MAGI1: variants seen among roughly 807,000 people sequenced by gnomAD.
MAGI1 encodes the protein membrane associated guanylate kinase, WW and PDZ domain containing 1, also known as membrane-associated guanylate kinase, WW and PDZ domain-containing protein 1.
Under a neutral mutation model 139.9 loss-of-function variants are expected in MAGI1, and 58 were observed. That is an observed-to-expected ratio of 0.41 (90% CI 0.34 to 0.52). The LOEUF (loss-of-function observed/expected upper bound fraction) is 0.52, where lower values mean the gene tolerates loss of function less well. Ranked by LOEUF, MAGI1 falls within the 20% of genes least tolerant of loss-of-function variation. The pLI is 0.12. For missense variants in MAGI1, 1,874 were observed against 1,901.6 expected (o/e 0.99, Z 0.27); for synonymous variants, 812 against 737.9 (o/e 1.10, Z -1.63).
intron 1 of MAGI1, among the ~76,000 whole-genome samples, chr3:65,643,595 T>C (rs2085101189): frequency 6.6e-6 from 1 of 152,048 alleles, no homozygotes; most frequent in South Asian, 2.1e-4. Flanking sequence ...TCTTTATGTC[T>C]CATATATCCC....
At chr3:65,998,682 G>A (rs2066584193) in intron 1 of MAGI1, among the ~76,000 whole-genome samples, 1 of 152,008 alleles carries the variant, frequency 6.6e-6, no homozygotes, top group Non-Finnish European at 1.5e-5. Context: ...ACCATTTGAT[G>A]GTTTTTTTGG....
intron 2 of MAGI1, among the ~76,000 whole-genome samples, chr3:65,604,364 T>C (rs1275181845): frequency 6.6e-6 from 1 of 152,106 alleles, no homozygotes; most frequent in African/African-American, 2.4e-5. Context: ...TAATATATAA[T>C]GATTATTTAA....
intron 13 of MAGI1, 64 bp downstream of exon 13, chr3:65,401,375 C>CCCCCCCCCCCCCCCCCCCAA: frequency 9.9e-7 from 1 of 1,008,142 alleles, no homozygotes; most frequent in Non-Finnish European, 1.5e-6. Context: ...AGTACCCTCC[C>CCCCCCCCCCCCCCCCCCCAA]ACCTCCAGCC....
At chr3:65,373,185 C>T (rs1942169958) in intron 18 of MAGI1, among the ~76,000 whole-genome samples, 1 of 152,144 alleles carries the variant, frequency 6.6e-6, no homozygotes, top group African/African-American at 2.4e-5. Context: ...GTGACTCTTC[C>T]TTTCATATGA....
chr3:65,414,211 C>A (rs543898623), intron 12 of MAGI1, among the ~76,000 whole-genome samples: 2 of 152,320 alleles, frequency 1.3e-5, no homozygotes, highest in South Asian at 2.1e-4. Context: ...TTTTTACATA[C>A]AAGAAACCAG....
In MAGI1 at chr3:65,609,699, C is replaced by G. The variant is rs1338963287; in HGVS notation, c.430+12273G>C. The G allele has an allele frequency of 2.3e-5, 5 of 213,100 alleles. No individual in the cohort carries two copies. In the South Asian group the frequency reaches 2.7e-4, roughly 12 times the overall value. The allele number at this position is 213,100 out of a possible 1,614,324, so 13.2% of individuals were successfully genotyped here. The stretch of plus-strand genomic sequence containing the variant: ...TCCTAGACTCAGGTGATCCTCCCAC[C>G]TCAGCCTATTGAATTGCTAGAACTG... On this transcript the variant is annotated intron_variant, in intron 2 of 22. Coordinates refer to ENST00000402939, the MANE Select transcript of MAGI1 (RefSeq NM_001033057.2).
At chr3:65,506,329 C>T (rs948866879) in intron 2 of MAGI1, among the ~76,000 whole-genome samples, 3 of 152,144 alleles carry the variant, frequency 2.0e-5, no homozygotes, top group Non-Finnish European at 4.4e-5. Flanking sequence ...ATGACAACAA[C>T]AGTATCTGCC....
chr3:65,957,930 A>T (rs377445005), intron 1 of MAGI1, among the ~76,000 whole-genome samples: 2 of 151,766 alleles, frequency 1.3e-5, no homozygotes, highest in African/African-American at 2.4e-5. Flanking sequence ...CACCACGCGC[A>T]GCTAATTTTG....
chr3:65,549,042 G>A (rs535125275), intron 2 of MAGI1, among the ~76,000 whole-genome samples: 8 of 151,970 alleles, frequency 5.3e-5, no homozygotes, highest in Admixed American at 2.6e-4. Context: ...GGCCGCCCGC[G>A]TCTCCTTGCA....
intron 1 of MAGI1, among the ~76,000 whole-genome samples, chr3:65,944,330 T>A (rs2063457379): frequency 1.3e-5 from 2 of 151,322 alleles, no homozygotes; most frequent in Admixed American, 1.3e-4. Flanking sequence ...CTGGGCAACA[T>A]AGCGAGACTC....
At chr3:65,841,455 T>TTTTG (rs927643284) in intron 1 of MAGI1, among the ~76,000 whole-genome samples, 5 of 38,906 alleles carry the variant, frequency 1.3e-4, no homozygotes, top group Admixed American at 4.0e-4. Flanking sequence ...TTGTTTTTGT[T>TTTTG]TTTTTTTTGA....
intron 1 of MAGI1, among the ~76,000 whole-genome samples, chr3:65,634,639 A>G (rs2084498015): frequency 6.6e-6 from 1 of 152,236 alleles, no homozygotes; most frequent in African/African-American, 2.4e-5. Flanking sequence ...CGCAATATCC[A>G]GTATAACACA....
At chr3:65,886,951 T>C (rs867003865) in intron 1 of MAGI1, among the ~76,000 whole-genome samples, 5 of 152,230 alleles carry the variant, frequency 3.3e-5, no homozygotes, top group African/African-American at 1.2e-4. Context: ...AGAATGGGTA[T>C]ACACCACTGT....
chr3:65,430,479 T>G (rs1947373163), intron 11 of MAGI1, among the ~76,000 whole-genome samples: 1 of 152,140 alleles, frequency 6.6e-6, no homozygotes, highest in African/African-American at 2.4e-5. Context: ...TCAAACAGTT[T>G]CCCAAACTTA....
intron 13 of MAGI1, 36 bp from the exon 14 acceptor site, chr3:65,391,394 G>C: frequency 1.3e-6 from 2 of 1,561,558 alleles, no homozygotes; most frequent in Non-Finnish European, 1.8e-6. Flanking sequence ...AAGAAGAAAA[G>C]ATTATTATTG....
intron 2 of MAGI1, among the ~76,000 whole-genome samples, chr3:65,572,867 G>T (rs1365307968): frequency 6.6e-6 from 1 of 151,500 alleles, no homozygotes; most frequent in African/African-American, 2.4e-5. Context: ...GCAGCAACTA[G>T]ATCATAGGAA....
intron 17 of MAGI1, among the ~76,000 whole-genome samples, chr3:65,378,751 G>A (rs1251546555): frequency 6.7e-6 from 1 of 150,180 alleles, no homozygotes; most frequent in Non-Finnish European, 1.5e-5. Flanking sequence ...GCACAATCTC[G>A]GCTCACTGCA....
rs191580340 is a variant in MAGI1 at position 65,635,785 on chromosome 3, T to C, written c.314-13697A>G. 4.0e-4 allele frequency among the ~76,000 whole-genome samples: 61 copies of C among 152,358 alleles called. 1 individual carries two copies. In the East Asian group the frequency reaches 8.3e-3, roughly 21 times the overall value. On this transcript the variant is annotated intron_variant, in intron 1 of 22. Transcript: ENST00000402939. Reference sequence around the variant, plus strand: ...ACCCCAATTTATTCACAGACTGGAATAGATAATCTGGATTGCAAACTGTAT... The same window carrying C: ...ACCCCAATTTATTCACAGACTGGAACAGATAATCTGGATTGCAAACTGTAT...
At chr3:65,763,287 T>C (rs74674202) in intron 1 of MAGI1, among the ~76,000 whole-genome samples, 8,409 of 152,314 alleles carry the variant, frequency 0.055, 277 homozygotes, top group Non-Finnish European at 0.071. Context: ...CTCTCTGTGT[T>C]CAACCAAATA....
Sources: gnomAD v4.1 joint callset for allele counts (sites outside exome capture counted in the v4.1 genomes callset) on GRCh38, gnomAD v4.1.1 for gene constraint, MANE v1.5 for transcripts, NCBI Gene and HGNC (gene_info 2026-07-23, HGNC 2026-07-21) for gene names.